The following SETBP1 variants were observed in gnomAD, a reference collection of about 807,000 sequenced individuals.
SETBP1 encodes the protein SET binding protein 1, also known as SET-binding protein.
SETBP1 carries 9 observed loss-of-function variants against 101.0 expected under a neutral mutation model. The ratio of observed to expected loss-of-function variants is 0.09; its 90% CI spans 0.05 to 0.16. The LOEUF is 0.16. Ranked by LOEUF, SETBP1 falls within the 10% of genes least tolerant of loss-of-function variation. The pLI, the probability that SETBP1 is intolerant of heterozygous loss-of-function variation, is 1.00. For synonymous variants in SETBP1, 818 were observed against 788.5 expected (o/e 1.04, Z -0.63); for missense variants, 1,858 against 2,033.8 (o/e 0.91, Z 1.66).
chr18:44,732,509 G>C (rs1294700974), intron 2 of SETBP1: 1 of 152,186 alleles, frequency 6.6e-6, no homozygotes, highest in Non-Finnish European at 1.5e-5. Context: ...CCTTGCAATG[G>C]ACAGGAGCAG....
At chr18:45,015,853 T>C (rs1271623720) in intron 4 of SETBP1, among the ~76,000 whole-genome samples, 1 of 152,240 alleles carries the variant, frequency 6.6e-6, no homozygotes, top group Non-Finnish European at 1.5e-5. Flanking sequence ...GGATAAGAGA[T>C]TTGACATTTA....
At chr18:44,749,429 G>A (rs1182289028) in intron 2 of SETBP1, among the ~76,000 whole-genome samples, 1 of 152,126 alleles carries the variant, frequency 6.6e-6, no homozygotes, top group African/African-American at 2.4e-5. Flanking sequence ...CTCAAGTCTG[G>A]CTGCTTTCTG....
chr18:44,681,153 C>T (rs1352136663), intron 1 of SETBP1, 132 bp downstream of exon 1: 1 of 152,274 alleles, frequency 6.6e-6, no homozygotes, highest in Admixed American at 6.5e-5. Context: ...TAAAAGCAGA[C>T]GAATGCCTTT....
At position 45,033,967 on chromosome 18, in the gene SETBP1, T is replaced by C. The variant is rs369287538; in HGVS notation, c.4001-4518T>C. Among the ~76,000 whole-genome samples, 267 of 152,306 alleles carry C rather than the reference T, an allele frequency of 1.8e-3. 10 individuals are homozygous for C. The South Asian group carries it at 0.039, about 22-fold the overall frequency. On this transcript the variant is annotated intron_variant, in intron 4 of 5. Transcript: ENST00000649279. ...AAAGATTTTTGTTTGTTTTTCTTCC[T>C]ATAGAGAAATGATATAAAGTAGATA...
chr18:44,787,593 G>A (rs1311260416), intron 2 of SETBP1, among the ~76,000 whole-genome samples: 2 of 151,954 alleles, frequency 1.3e-5, no homozygotes, highest in South Asian at 4.2e-4. Context: ...GGTGGCTCAC[G>A]CCTGTAATCC....
chr18:45,060,689 A>G (rs2073876827), intron 5 of SETBP1, among the ~76,000 whole-genome samples: 1 of 152,216 alleles, frequency 6.6e-6, no homozygotes, highest in Admixed American at 6.5e-5. Flanking sequence ...AGACTTAATA[A>G]ATTATTCAGC....
At chr18:44,971,082 A>G (rs549185855) in intron 4 of SETBP1, among the ~76,000 whole-genome samples, 15 of 145,950 alleles carry the variant, frequency 1.0e-4, no homozygotes, top group African/African-American at 3.6e-4. Context: ...GTGTCCATGT[A>G]TTCTCATTGT....
intron 4 of SETBP1, among the ~76,000 whole-genome samples, chr18:45,027,770 G>A (rs1599466178): frequency 6.6e-6 from 1 of 152,098 alleles, no homozygotes; most frequent in African/African-American, 2.4e-5. Flanking sequence ...AAACTTAGTG[G>A]CTTAAACAAC....
chr18:44,984,703 T>G (rs181948372), intron 4 of SETBP1, among the ~76,000 whole-genome samples: 78 of 152,374 alleles, frequency 5.1e-4, no homozygotes, highest in African/African-American at 1.9e-3. Flanking sequence ...TTCTGTCATG[T>G]TGCCTGACAT....
intron 2 of SETBP1, among the ~76,000 whole-genome samples, chr18:44,775,306 A>C (rs1336243853): frequency 6.6e-6 from 1 of 152,196 alleles, no homozygotes; most frequent in Non-Finnish European, 1.5e-5. Flanking sequence ...GAGACAGTTA[A>C]CTCAGTCAAC....
chr18:44,937,346 T>C (rs1258238983), intron 3 of SETBP1, among the ~76,000 whole-genome samples: 1 of 149,256 alleles, frequency 6.7e-6, no homozygotes, highest in African/African-American at 2.5e-5. Flanking sequence ...TCCCAGCTAC[T>C]TGGGAGGCTG....
intron 2 of SETBP1, among the ~76,000 whole-genome samples, chr18:44,779,357 G>T (rs143879905): frequency 6.6e-6 from 1 of 152,210 alleles, no homozygotes; most frequent in African/African-American, 2.4e-5. Context: ...GAGAATACTC[G>T]CCTCTGATAG....
chr18:44,870,580 C>A (rs1345314019), intron 3 of SETBP1: 1 of 152,190 alleles, frequency 6.6e-6, no homozygotes, highest in East Asian at 1.9e-4. Context: ...TACTTTTTCA[C>A]ATATTTACAC....
intron 2 of SETBP1, among the ~76,000 whole-genome samples, chr18:44,714,938 T>C (rs2069429982): frequency 6.6e-6 from 1 of 152,142 alleles, no homozygotes; most frequent in African/African-American, 2.4e-5. Flanking sequence ...GCTCTTCGTA[T>C]AGTTAAGCAA....
chr18:44,936,036 T>C (rs1487495374), intron 3 of SETBP1, among the ~76,000 whole-genome samples: 1 of 152,202 alleles, frequency 6.6e-6, no homozygotes, highest in Non-Finnish European at 1.5e-5. Context: ...GCTAAAACAT[T>C]TTTAAAACTG....
chr18:45,019,418 C>T lies in SETBP1; in HGVS notation c.4001-19067C>T, dbSNP rs527586586. Among the ~76,000 whole-genome samples the T allele has an allele frequency of 5.3e-5, 8 of 152,224 alleles. No individual in the cohort carries two copies. In the East Asian group the frequency reaches 1.5e-3, roughly 29 times the overall value. Reference sequence around the variant, plus strand: ...TGTATATATTGTGGAATGGCTAAATCGAGCTAATTAACATACATTGACTCA... The same window carrying T: ...TGTATATATTGTGGAATGGCTAAATTGAGCTAATTAACATACATTGACTCA... On this transcript the variant is annotated intron_variant, in intron 4 of 5. Transcript: ENST00000649279.
chr18:44,879,002 C>T (rs2069471945), intron 3 of SETBP1, among the ~76,000 whole-genome samples: 1 of 152,188 alleles, frequency 6.6e-6, no homozygotes, highest in Non-Finnish European at 1.5e-5. Context: ...CCCTCCAGCT[C>T]TGCCATGATT....
intron 3 of SETBP1, among the ~76,000 whole-genome samples, chr18:44,931,714 G>A (rs1257857651): frequency 6.6e-6 from 1 of 152,058 alleles, no homozygotes; most frequent in Admixed American, 6.5e-5. Context: ...TGTCTCTTTT[G>A]ATCTTTGTTG....
At chr18:44,839,368 G>A (rs1378392398) in intron 2 of SETBP1, among the ~76,000 whole-genome samples, 2 of 152,202 alleles carry the variant, frequency 1.3e-5, no homozygotes, top group African/African-American at 4.8e-5. Context: ...AATGGGGAAG[G>A]AAGAAGAATG....
Sources: gnomAD v4.1 joint callset for allele counts (sites outside exome capture counted in the v4.1 genomes callset) on GRCh38, gnomAD v4.1.1 for gene constraint, MANE v1.5 for transcripts, NCBI Gene and HGNC (gene_info 2026-07-23, HGNC 2026-07-21) for gene names.